The following XPNPEP1 variants were observed in gnomAD, a reference collection of about 807,000 sequenced individuals.
The protein encoded by XPNPEP1 is X-prolyl aminopeptidase 1, also known as xaa-Pro aminopeptidase 1.
In XPNPEP1, 39 loss-of-function variants were observed where a neutral mutation model predicts 92.4. That is an observed-to-expected ratio of 0.42 (90% CI 0.33 to 0.55). The LOEUF is 0.55. Among genes scored for constraint, XPNPEP1 ranks in the 20% least tolerant of loss-of-function variants. XPNPEP1 has a pLI of 0.08. For missense variants in XPNPEP1, 654 were observed against 856.1 expected (o/e 0.76, Z 2.95); for synonymous variants, 307 against 299.4 (o/e 1.03, Z -0.26).
intron 3 of XPNPEP1, among the ~76,000 whole-genome samples, chr10:109,903,261 C>T (rs1317136320): frequency 2.0e-5 from 3 of 152,168 alleles, no homozygotes; most frequent in South Asian, 2.1e-4. Context: ...ATTAGCAGGT[C>T]GAATCTTTCT....
intron 12 of XPNPEP1, among the ~76,000 whole-genome samples, 197 bp downstream of exon 12, chr10:109,879,991 C>T (rs1198730944): frequency 6.6e-6 from 1 of 151,618 alleles, no homozygotes; most frequent in Non-Finnish European, 1.5e-5. Context: ...ATTCTTGTTA[C>T]TATTTTCATA....
intron 1 of XPNPEP1, among the ~76,000 whole-genome samples, chr10:109,919,099 A>G (rs1267144946): frequency 6.6e-6 from 1 of 152,214 alleles, no homozygotes; most frequent in East Asian, 1.9e-4. Flanking sequence ...TTCTTTAGAC[A>G]CAAATCAAAA....
At chr10:109,881,298 G>A (rs1013570892) in intron 10 of XPNPEP1, among the ~76,000 whole-genome samples, 4 of 152,164 alleles carry the variant, frequency 2.6e-5, no homozygotes, top group Non-Finnish European at 5.9e-5. Context: ...TTCTCTTGCT[G>A]TACAAAGGGG....
At chr10:109,886,105 T>C in intron 8 of XPNPEP1, 141 bp downstream of exon 8, 1 of 766,324 alleles carries the variant, frequency 1.3e-6, no homozygotes. Context: ...CTAGTTGGCA[T>C]CTCCTATACC....
chr10:109,908,518 C>T (rs891235647), intron 2 of XPNPEP1, among the ~76,000 whole-genome samples: 12 of 152,226 alleles, frequency 7.9e-5, no homozygotes, highest in Non-Finnish European at 1.8e-4. Context: ...AGGGGAATCA[C>T]TTGCACTCAG....
At chr10:109,888,712 T>A in intron 5 of XPNPEP1, 117 bp from the exon 6 acceptor site, 2 of 731,640 alleles carry the variant, frequency 2.7e-6, no homozygotes, top group Non-Finnish European at 4.1e-6. Context: ...GCAGCTTCTT[T>A]AAAGTGGATT....
chr10:109,871,745 C>A lies in XPNPEP1; in HGVS notation c.1522+47G>T, dbSNP rs1847490933. ...CACTCAAACATAGACATATTTGATT[C>A]TCAAACAAGAAAAAGAGCCTGCCAT... On this transcript the variant is annotated intron_variant, in intron 17 of 20. Transcript: ENST00000502935. The A allele has an allele frequency of 2.5e-6, 4 of 1,592,464 alleles. No homozygotes were observed. The Admixed American group carries it at 7.0e-5, about 28-fold the overall frequency.
intron 1 of XPNPEP1, among the ~76,000 whole-genome samples, chr10:109,921,644 A>G (rs948947451): frequency 1.3e-5 from 2 of 152,230 alleles, no homozygotes; most frequent in African/African-American, 4.8e-5. Flanking sequence ...AAGGTTGGGA[A>G]GTAAGCAATG....
At chr10:109,911,722 G>A (rs755064983) in intron 2 of XPNPEP1, among the ~76,000 whole-genome samples, 3 of 152,162 alleles carry the variant, frequency 2.0e-5, no homozygotes, top group Non-Finnish European at 4.4e-5. Context: ...AGGACTATCC[G>A]GGAAACATCT....
At chr10:109,868,835 A>T (rs915782287) in intron 19 of XPNPEP1, 123 bp from the exon 20 acceptor site, 51 of 844,630 alleles carry the variant, frequency 6.0e-5, no homozygotes, top group South Asian at 1.6e-4. Context: ...AGAAGTGGTG[A>T]GCTGGTCACC....
chr10:109,894,743 A>T (rs1848893325), intron 3 of XPNPEP1, among the ~76,000 whole-genome samples: 1 of 152,196 alleles, frequency 6.6e-6, no homozygotes, highest in Non-Finnish European at 1.5e-5. Context: ...CAGCTCTCTC[A>T]GCCTCATTTC....
chr10:109,897,255 A>G (rs1184785472), intron 3 of XPNPEP1, among the ~76,000 whole-genome samples: 1 of 151,792 alleles, frequency 6.6e-6, no homozygotes, highest in Non-Finnish European at 1.5e-5. Flanking sequence ...CAAATAAAGC[A>G]TCTGTAAACT....
intron 5 of XPNPEP1, among the ~76,000 whole-genome samples, chr10:109,890,064 A>G (rs963633076): frequency 1.3e-5 from 2 of 152,206 alleles, no homozygotes; most frequent in Non-Finnish European, 2.9e-5. Context: ...CCAGGGATGA[A>G]TCACTCACTG....
chr10:109,886,481 A>C (rs1589577578), intron 7 of XPNPEP1, 140 bp from the exon 8 acceptor site: 1 of 750,644 alleles, frequency 1.3e-6, no homozygotes, highest in East Asian at 2.7e-5. Context: ...GGAGGCCTGG[A>C]TTCAAGCCCT....
chr10:109,878,099 T>C, intron 12 of XPNPEP1, 41 bp from the exon 13 acceptor site: 1 of 1,610,784 alleles, frequency 6.2e-7, no homozygotes, highest in Non-Finnish European at 8.5e-7. Flanking sequence ...TGAGATAAAT[T>C]CATGTGTGCC....
chr10:109,919,552 G>C (rs867714678), intron 1 of XPNPEP1, among the ~76,000 whole-genome samples: 2 of 152,140 alleles, frequency 1.3e-5, no homozygotes, highest in African/African-American at 4.8e-5. Context: ...TGGTGTAATG[G>C]CTTTGGAAAA....
intron 4 of XPNPEP1, chr10:109,892,586 A>G (rs1410516870): frequency 5.8e-6 from 1 of 171,866 alleles, no homozygotes; most frequent in Non-Finnish European, 1.3e-5. Context: ...GCCAAGAGTG[A>G]AAACAGAAAC....
At chr10:109,899,801 A>G (rs560004618) in intron 3 of XPNPEP1, among the ~76,000 whole-genome samples, 1 of 152,326 alleles carries the variant, frequency 6.6e-6, no homozygotes, top group Non-Finnish European at 1.5e-5. Context: ...GCCCAACAAC[A>G]TAATATGGGG....
chr10:109,914,364 G>A (rs775229615), intron 2 of XPNPEP1, among the ~76,000 whole-genome samples: 1 of 151,860 alleles, frequency 6.6e-6, no homozygotes, highest in Non-Finnish European at 1.5e-5. Context: ...AGATAATGAA[G>A]GACTATATTA....
Sources: allele counts gnomAD v4.1 joint callset (sites outside exome capture counted in the v4.1 genomes callset), GRCh38; gene constraint gnomAD v4.1.1; transcripts MANE v1.5; gene names NCBI Gene and HGNC (gene_info 2026-07-23, HGNC 2026-07-21).